Variants in GRM7 observed in about 807,000 individuals in gnomAD.
GRM7 encodes the protein metabotropic glutamate receptor 7.
A neutral mutation model predicts 84.5 loss-of-function variants in GRM7; 35 were observed. That is an observed-to-expected ratio of 0.41 (90% CI 0.32 to 0.55). GRM7 has a LOEUF of 0.55. GRM7 is among the 20% of genes least tolerant of loss of function. The pLI, the probability that GRM7 is intolerant of heterozygous loss-of-function variation, is 0.19. For missense variants in GRM7, 1,003 were observed against 1,194.6 expected, an observed-to-expected ratio of 0.84 and a Z score of 2.36; for synonymous variants, 487 against 455.1, an observed-to-expected ratio of 1.07 and a Z score of -0.89.
intron 4 of GRM7, among the ~76,000 whole-genome samples, chr3:7,413,396 C>G (rs1395948551): frequency 6.6e-6 from 1 of 152,178 alleles, no homozygotes; most frequent in Non-Finnish European, 1.5e-5. Context: ...AACTTCAAGA[C>G]TTAATTTATT....
chr3:7,470,434 T>C (rs1698652604), intron 7 of GRM7, among the ~76,000 whole-genome samples: 1 of 152,182 alleles, frequency 6.6e-6, no homozygotes, highest in South Asian at 2.1e-4. Context: ...CAGAAACATA[T>C]TGGAAATTAA....
At chr3:7,513,743 C>G (rs915680306) in intron 7 of GRM7, among the ~76,000 whole-genome samples, 1 of 152,060 alleles carries the variant, frequency 6.6e-6, no homozygotes, top group Non-Finnish European at 1.5e-5. Flanking sequence ...CTGATATGCC[C>G]ATAATAATAA....
At chr3:7,135,009 T>C (rs1052885653) in intron 1 of GRM7, among the ~76,000 whole-genome samples, 3 of 152,152 alleles carry the variant, frequency 2.0e-5, no homozygotes, top group Non-Finnish European at 4.4e-5. Flanking sequence ...AGGTGTTTGG[T>C]GTTATGTAAT....
intron 7 of GRM7, among the ~76,000 whole-genome samples, chr3:7,563,303 A>G (rs534164875): frequency 1.4e-4 from 21 of 152,308 alleles, no homozygotes; most frequent in Admixed American, 1.2e-3. Context: ...AAGGCATAAA[A>G]GAGGACATTT....
At chr3:7,088,398 T>C (rs6443081) in intron 1 of GRM7, among the ~76,000 whole-genome samples, 86,171 of 151,840 alleles carry the variant, frequency 0.57, 26,513 homozygotes, top group African/African-American at 0.83. Context: ...TCTAAAATAG[T>C]TTATGAAGTG....
intron 9 of GRM7, among the ~76,000 whole-genome samples, chr3:7,691,785 C>T (rs1054658429): frequency 2.0e-5 from 3 of 152,034 alleles, no homozygotes; most frequent in Non-Finnish European, 4.4e-5. Flanking sequence ...CTCAGCCTCC[C>T]GAGTAGCTGG....
intron 1 of GRM7, among the ~76,000 whole-genome samples, chr3:6,981,890 G>A (rs13059884): frequency 0.023 from 3,432 of 152,222 alleles, 50 homozygotes; most frequent in African/African-American, 0.04. Flanking sequence ...AAAGCAATTC[G>A]TAGATTTCTC....
chr3:7,443,923 G>A (rs990839126), intron 5 of GRM7, among the ~76,000 whole-genome samples: 4 of 152,134 alleles, frequency 2.6e-5, no homozygotes, highest in Admixed American at 6.5e-5. Flanking sequence ...GCCTACATAC[G>A]TATGCAATGC....
intron 9 of GRM7, chr3:7,682,261 G>A (rs1182952890): frequency 1.3e-5 from 2 of 150,210 alleles, no homozygotes; most frequent in East Asian, 3.9e-4. Context: ...CTTGAACCCA[G>A]GAGGGCAGAG....
At chr3:6,962,261 T>C (rs1693331000) in intron 1 of GRM7, among the ~76,000 whole-genome samples, 1 of 152,220 alleles carries the variant, frequency 6.6e-6, no homozygotes, top group Non-Finnish European at 1.5e-5. Flanking sequence ...AATCCTGGTA[T>C]ACAGCTGAAT....
intron 1 of GRM7, among the ~76,000 whole-genome samples, chr3:7,116,006 C>T (rs1488361574): frequency 6.6e-6 from 1 of 152,116 alleles, no homozygotes; most frequent in Non-Finnish European, 1.5e-5. Flanking sequence ...CCAGAGGGCT[C>T]TTATGCAAAG....
intron 1 of GRM7, among the ~76,000 whole-genome samples, chr3:6,953,178 C>T (rs1692862280): frequency 6.6e-6 from 1 of 152,070 alleles, no homozygotes; most frequent in African/African-American, 2.4e-5. Context: ...TTCTTTCATC[C>T]CCTGTCTCTG....
intron 4 of GRM7, among the ~76,000 whole-genome samples, chr3:7,322,521 T>TA (rs1037478624): frequency 1.3e-5 from 2 of 152,088 alleles, no homozygotes; most frequent in African/African-American, 4.8e-5. Context: ...GTGTACACTG[T>TA]ACCTAATGTG....
chr3:7,142,409 G>T (rs969745659), intron 1 of GRM7, among the ~76,000 whole-genome samples: 8 of 152,036 alleles, frequency 5.3e-5, no homozygotes, highest in Admixed American at 5.2e-4. Context: ...AATCATGGTG[G>T]AAGGCGAAGG....
chr3:6,897,013 T>C (rs1035473662), intron 1 of GRM7, among the ~76,000 whole-genome samples: 6 of 152,240 alleles, frequency 3.9e-5, no homozygotes, highest in Admixed American at 6.5e-5. Context: ...GAGTGTGGTG[T>C]ATTTCTGTTT....
At chr3:7,100,986 T>C (rs1398338825) in intron 1 of GRM7, among the ~76,000 whole-genome samples, 1 of 151,784 alleles carries the variant, frequency 6.6e-6, no homozygotes, top group Non-Finnish European at 1.5e-5. Context: ...TAAAGATTTT[T>C]TATCCATTCT....
intron 4 of GRM7, among the ~76,000 whole-genome samples, chr3:7,406,424 C>T (rs556500611): frequency 6.6e-5 from 10 of 151,280 alleles, no homozygotes; most frequent in African/African-American, 1.9e-4. Context: ...GGCGTGAACC[C>T]GGGGGACGGA....
intron 1 of GRM7, among the ~76,000 whole-genome samples, chr3:6,912,075 C>T (rs1388676076): frequency 2.0e-5 from 3 of 152,256 alleles, no homozygotes; most frequent in South Asian, 4.1e-4. Flanking sequence ...TTTTATCAGA[C>T]AGCCATCTGA....
At chr3:7,636,928 C>G (rs1038184451) in intron 8 of GRM7, among the ~76,000 whole-genome samples, 1 of 152,056 alleles carries the variant, frequency 6.6e-6, no homozygotes, top group Non-Finnish European at 1.5e-5. Context: ...TCATAAGATG[C>G]AATTATTTCC....
Sources: gnomAD v4.1 joint callset for allele counts (sites outside exome capture counted in the v4.1 genomes callset) on GRCh38, gnomAD v4.1.1 for gene constraint, MANE v1.5 for transcripts, NCBI Gene and HGNC (gene_info 2026-07-23, HGNC 2026-07-21) for gene names.